Variants in NDST2 observed in about 807,000 individuals in gnomAD.
The protein encoded by NDST2 is N-deacetylase and N-sulfotransferase 2.
Under a neutral mutation model 86.9 loss-of-function variants are expected in NDST2, and 32 were observed. The observed-to-expected ratio is 0.37, with a 90% CI of 0.28 to 0.49. The LOEUF is 0.49. NDST2 is among the 20% of genes least tolerant of loss of function. The pLI, the probability that NDST2 is intolerant of heterozygous loss-of-function variation, is 0.97. For missense variants in NDST2, 950 were observed against 1,146.9 expected (o/e 0.83, Z 2.48); for synonymous variants, 409 against 437.0 (o/e 0.94, Z 0.80).
chr10:73,807,051 A>C, intron 4 of NDST2, 57 bp downstream of exon 4: 1 of 1,523,430 alleles, frequency 6.6e-7, no homozygotes, highest in Non-Finnish European at 9.1e-7. Context: ...AGGGAGGTGG[A>C]CAGTGAAGGG....
intron 2 of NDST2, among the ~76,000 whole-genome samples, chr10:73,809,317 T>C (rs987464373): frequency 6.6e-5 from 10 of 152,354 alleles, no homozygotes; most frequent in Admixed American, 3.9e-4. Context: ...ATCCTCATGA[T>C]AGGTAATCAT....
intron 8 of NDST2, 101 bp from the exon 9 acceptor site, chr10:73,804,970 G>A (rs987105176): frequency 2.0e-5 from 12 of 601,008 alleles, no homozygotes; most frequent in African/African-American, 1.2e-4. Flanking sequence ...GCATGATCTC[G>A]GCTCACTGCA....
At position 73,802,750 on chromosome 10, in the gene NDST2, C is replaced by T. The variant is rs1378293439; in HGVS notation, c.2450G>A (p.Cys817Tyr). ...AGTCTTACCACCTTCAAGTCCCTGGCACCAAAATCCCTTATCATCATCAAA... is the reference window on the plus strand; with the variant it reads ...AGTCTTACCACCTTCAAGTCCCTGGTACCAAAATCCCTTATCATCATCAAA... ...LRFDDDKGFWCQGLEGGKTRC... is the reference protein window; with the variant it reads ...LRFDDDKGFWYQGLEGGKTRC... Residue 817 changes from cysteine to tyrosine, a missense_variant, in exon 14 of 15, where the codon TGC (cysteine) becomes TAC (tyrosine). Cys to Tyr is a radical substitution (Grantham distance 194). Transcript: ENST00000309979. The T allele has an allele frequency of 1.2e-6, 2 of 1,614,178 alleles. No individual in the cohort carries two copies. The highest frequency in any genetic ancestry group is 1.7e-6 in the Non-Finnish European group (2 of 1,180,032).
rs753508212 is a variant in NDST2 at position 73,808,145 on chromosome 10, G to C, written c.244C>G (p.Arg82Gly). 3.3e-5 allele frequency: 54 copies of C among 1,614,080 alleles called. No individual in the cohort carries two copies. The highest frequency in any genetic ancestry group is 4.5e-5 in the Non-Finnish European group (53 of 1,180,040). The change falls in exon 3 of 15, where the codon CGA becomes GGA. Residue 82 changes from arginine to glycine, a missense_variant. Coordinates refer to ENST00000309979, the MANE Select transcript of NDST2 (RefSeq NM_003635.4). This position sits in a 1 kb window ranked among gnomAD's most constrained non-coding sequence, Gnocchi z 4.3. ...PRPPRPPETA[R>G]TEPVVLVFVE... ...AACACAAGGACCACGGGTTCAGTTCGAGCTGTCTCTGGAGGCCTGGGGGGC... is the reference window on the plus strand; with the variant it reads ...AACACAAGGACCACGGGTTCAGTTCCAGCTGTCTCTGGAGGCCTGGGGGGC...
chr10:73,804,791 C>T lies in NDST2; in HGVS notation c.1825G>A (p.Val609Met), dbSNP rs753056657. The change falls in exon 9 of 15, where the codon GTG becomes ATG. Residue 609 changes from valine (V) to methionine (M), a missense_variant. By Grantham distance (21) the Val-to-Met change is conservative. Around this residue, in one of 5 missense-constraint regions of NDST2, gnomAD observed 17 missense variants for 40.1 expected, o/e 0.42. Transcript: ENST00000309979. ...ACTTCACCTGTTTTCTGGGGTCCCA[C>T]AATGAGGAACTTCGGGAGACGATCA... ...TCDRLPKFLI[V>M]GPQKTGTTAI... The T allele has an allele frequency of 2.5e-6, 4 of 1,612,790 alleles. No individual in the cohort carries two copies. The African/African-American group carries it at 5.3e-5, about 22-fold the overall frequency.
rs928851880 is a variant in NDST2, at chr10:73,802,749, G to A, written c.2451C>T (p.Cys817=). ...LRFDDDKGFW[C]QGLEGGKTRC... is the part of the protein sequence containing the mutation. The stretch of plus-strand genomic sequence containing the variant: ...GAGTCTTACCACCTTCAAGTCCCTG[G>A]CACCAAAATCCCTTATCATCATCAA... The change falls in exon 14 of 15, where the codon TGC becomes TGT. Residue 817 remains cysteine, a synonymous_variant. Coordinates refer to ENST00000309979, the MANE Select transcript of NDST2 (RefSeq NM_003635.4). 7 of 1,614,018 alleles carry A rather than the reference G, an allele frequency of 4.3e-6. No homozygotes were observed. The highest frequency in any genetic ancestry group is 5.9e-6 in the Non-Finnish European group (7 of 1,180,032).
intron 11 of NDST2, 106 bp downstream of exon 11, chr10:73,803,468 C>T: frequency 6.5e-7 from 1 of 1,543,170 alleles, no homozygotes; most frequent in Non-Finnish European, 8.9e-7. Context: ...CCCCAAGGCA[C>T]TAGTTAAGTT....
chr10:73,805,645 A>G lies in NDST2; in HGVS notation c.1688T>C (p.Val563Ala). Residue 563 changes from valine to alanine, a missense_variant, in exon 8 of 15, where the codon GTC becomes GCC. Val to Ala is a moderately conservative substitution (Grantham distance 64). Around this residue, in one of 5 missense-constraint regions of NDST2, gnomAD observed 586 missense variants for 714.0 expected, o/e 0.82. Coordinates refer to ENST00000309979, the MANE Select transcript of NDST2 (RefSeq NM_003635.4). Reference protein sequence around the residue: ...TRLRLQTLPPVPLAQKYFELF... With the variant: ...TRLRLQTLPPAPLAQKYFELF... ...TTCAAAGTACTTCTGTGCAAGTGGG[A>G]CAGGAGGAAGGGTCTGTAGGCGCAG... The G allele has an allele frequency of 6.2e-7, 1 of 1,614,236 alleles. No individual in the cohort carries two copies. The highest frequency in any genetic ancestry group is 8.5e-7 in the Non-Finnish European group (1 of 1,180,050).
At position 73,806,169 on chromosome 10, in the gene NDST2, T is replaced by C. The variant is rs1194362142; in HGVS notation, c.1434+120A>G. Reference sequence around the variant, plus strand: ...GGGTGTTAAAATTTTTTCACCTTTCTACCCCCAATTATGTACCCCCATACT... The same window carrying C: ...GGGTGTTAAAATTTTTTCACCTTTCCACCCCCAATTATGTACCCCCATACT... On this transcript the variant is annotated intron_variant, in intron 6 of 14. Transcript: ENST00000309979. This position sits in a 1 kb window ranked among gnomAD's most constrained non-coding sequence, Gnocchi z 4.5. 1.3e-5 allele frequency: 20 copies of C among 1,529,706 alleles called. No individual in the cohort carries two copies. The highest frequency in any genetic ancestry group is 2.7e-5 in the African/African-American group (2 of 73,062). 94.8% of individuals were successfully genotyped at this position (1,529,706 alleles called of 1,614,324 possible). A position where few individuals can be genotyped will look rare whatever the true frequency, so the allele number is the denominator to read the frequency against.
intron 9 of NDST2, 90 bp from the exon 10 acceptor site, chr10:73,804,106 C>T (rs1289900162): frequency 1.3e-6 from 2 of 1,507,900 alleles, no homozygotes. Context: ...GAAAAAATAA[C>T]CACTCTGGGT....
At chr10:73,805,553 T>A in intron 8 of NDST2, 34 bp downstream of exon 8, 1 of 1,606,012 alleles carries the variant, frequency 6.2e-7, no homozygotes, top group Non-Finnish European at 8.5e-7. Context: ...CCCACCCCTA[T>A]CATGTCTCTC....
At chr10:73,809,910 T>G (rs2084167041) in intron 2 of NDST2, among the ~76,000 whole-genome samples, 1 of 152,146 alleles carries the variant, frequency 6.6e-6, no homozygotes. Flanking sequence ...TTTTTAATTT[T>G]TTTTAGAGAT....
chr10:73,807,544 T>C lies in NDST2; in HGVS notation c.845A>G (p.His282Arg). The C allele has an allele frequency of 1.2e-6, 2 of 1,614,152 alleles. No homozygotes were observed. Among genetic ancestry groups the C allele is most frequent in the Non-Finnish European group, 8.5e-7 (1 of 1,180,004 alleles). ...TTTGTGGAGCCAGAAGGAAAGGCCA[T>C]GTCCAAAGAGCACCCGCTGGATGCC... The part of the protein sequence containing the change: ...HDGIQRVLFG[H>R]GLSFWLHKLI... Residue 282 changes from histidine (H) to arginine (R), a missense_variant, in exon 3 of 15, where the codon CAT (histidine) becomes CGT (arginine). Coordinates refer to ENST00000309979, the MANE Select transcript of NDST2 (RefSeq NM_003635.4).
Position 73,808,695 on chromosome 10 carries a change from CA to C in NDST2, c.-308del. On this transcript the variant is annotated 5_prime_UTR_variant, in exon 3 of 15. Transcript: ENST00000309979. This position sits in a 1 kb window ranked among gnomAD's most constrained non-coding sequence, Gnocchi z 4.3. Reference sequence around the variant, plus strand: ...TTGGCCCTGGCTGAGCGCCTCACATCAAAGGTCAGCAAAGTTCAATCTCTTC... The same window carrying C: ...TTGGCCCTGGCTGAGCGCCTCACATCAAGGTCAGCAAAGTTCAATCTCTTC... 3.1e-6 allele frequency: 1 copy of C among 326,642 alleles called. No homozygotes were observed. Among genetic ancestry groups the C allele is most frequent in the South Asian group, 6.9e-5 (1 of 14,492 alleles). The allele number at this position is 326,642 out of a possible 1,614,324, so 20.2% of individuals were successfully genotyped here.
In NDST2 at chr10:73,807,459, G is replaced by A; in HGVS notation, c.930C>T (p.Asp310=). ...CATCGATGTCTACCAAGATGTAGCG[G>A]TCAAGGTCCAGGCAGAGGCGCTTGC... The part of the protein sequence containing the change: ...LTGKRLCLDL[D]RYILVDIDDI... The change falls in exon 3 of 15, where the codon GAC becomes GAT. Residue 310 remains aspartate, a synonymous_variant. Coordinates refer to ENST00000309979, the MANE Select transcript of NDST2 (RefSeq NM_003635.4). 1 of 1,614,204 alleles carries A rather than the reference G, an allele frequency of 6.2e-7. No individual in the cohort carries two copies. Among genetic ancestry groups the A allele is most frequent in the Non-Finnish European group, 8.5e-7 (1 of 1,180,030 alleles).
chr10:73,805,935 C>G lies in NDST2; in HGVS notation c.1528G>C (p.Gly510Arg). ...GSRELDRSIR[G>R]GELFLTVLLN... ...AGCACTGTCAGAAAGAGCTCTCCAC[C>G]TCGGATGCTCCGGTCTAGTTCACGA... The change falls in exon 7 of 15, where the codon GGT becomes CGT. Residue 510 changes from glycine to arginine, a missense_variant. Physicochemically the swap from Gly to Arg is moderately radical, Grantham distance 125. Around this residue, in one of 5 missense-constraint regions of NDST2, gnomAD observed 586 missense variants for 714.0 expected, o/e 0.82. Transcript: ENST00000309979. 6.2e-7 allele frequency: 1 copy of G among 1,614,214 alleles called. No individual in the cohort carries two copies. The highest frequency in any genetic ancestry group is 8.5e-7 in the Non-Finnish European group (1 of 1,180,050).
Position 73,806,591 on chromosome 10 carries a change from T to G in NDST2, c.1248+66A>C. On this transcript the variant is annotated intron_variant, in intron 5 of 14. Transcript: ENST00000309979. This position sits in a 1 kb window ranked among gnomAD's most constrained non-coding sequence, Gnocchi z 4.5. ...CAAAGGATAGGAAAAGGGTAGCCCA[T>G]TAGGGGAAGGTAGAAAAGGAAGCAT... is the stretch of plus-strand genomic sequence containing the variant. 1 of 1,590,712 alleles carries G rather than the reference T, an allele frequency of 6.3e-7. No individual in the cohort carries two copies. Among genetic ancestry groups the G allele is most frequent in the Non-Finnish European group, 8.6e-7 (1 of 1,162,508 alleles).
chr10:73,803,391 T>G, intron 11 of NDST2, 32 bp from the exon 12 acceptor site: 1 of 1,612,586 alleles, frequency 6.2e-7, no homozygotes, highest in Middle Eastern at 1.7e-4. Context: ...GGTGAAGGAC[T>G]GGTGATTTGA....
In NDST2 at chr10:73,808,603, C is replaced by A. The variant is rs1022489180; in HGVS notation, c.-215G>T. 4 of 530,980 alleles carry A rather than the reference C, an allele frequency of 7.5e-6. No homozygotes were observed. The African/African-American group carries it at 7.5e-5, about 10-fold the overall frequency. 32.9% of individuals were successfully genotyped at this position (530,980 alleles called of 1,614,324 possible). A position where few individuals can be genotyped will look rare whatever the true frequency, so the allele number is the denominator to read the frequency against. On this transcript the variant is annotated 5_prime_UTR_variant, in exon 3 of 15. Transcript: ENST00000309979. The surrounding 1 kb of genome is among the most constrained non-coding windows in gnomAD (Gnocchi z 4.3). ...GCAGGGGGCAACTATACAGAGTCCACTTGTCTCAGGTCACCATGGCCCCCT... is the reference window on the plus strand; with the variant it reads ...GCAGGGGGCAACTATACAGAGTCCAATTGTCTCAGGTCACCATGGCCCCCT...
Sources: gnomAD v4.1 joint callset for allele counts (sites outside exome capture counted in the v4.1 genomes callset) on GRCh38, gnomAD v4.1.1 for gene constraint, gnomAD v4.1.1 regional missense constraint, Gnocchi (gnomAD v3.1) non-coding constraint, MANE v1.5 for transcripts, NCBI Gene and HGNC (gene_info 2026-07-23, HGNC 2026-07-21) for gene names.